Variants in PON3 observed in about 807,000 individuals in gnomAD.
PON3 encodes the protein serum paraoxonase/lactonase 3.
PON3 carries 37 observed loss-of-function variants against 36.3 expected under a neutral mutation model. The observed-to-expected ratio is 1.02, with a 90% CI of 0.78 to 1.34. The LOEUF is 1.34. PON3 is among the 40% of genes most tolerant of loss of function. PON3 has a pLI of 0.00. For synonymous variants in PON3, 155 were observed against 154.8 expected (o/e 1.00, Z -0.01); for missense variants, 415 against 426.5 (o/e 0.97, Z 0.24).
At chr7:95,393,393 AG>A (rs1477097313) in intron 2 of PON3, among the ~76,000 whole-genome samples, 4 of 152,362 alleles carry the variant, frequency 2.6e-5, no homozygotes, top group Admixed American at 2.6e-4. Context: ...AGCTGATTTT[AG>A]TAAGCAGAGA....
intron 4 of PON3, 130 bp from the exon 5 acceptor site, chr7:95,367,618 T>C: frequency 1.1e-6 from 1 of 947,978 alleles, no homozygotes; most frequent in Non-Finnish European, 1.6e-6. Flanking sequence ...ACAGTCTACA[T>C]GATAGGTAAG....
Position 95,367,385 on chromosome 7 carries a change from A to G in PON3, c.471T>C (p.Thr157=). The stretch of plus-strand genomic sequence containing the variant: ...ACCTTTTGAGAAGTTCATGTTTTAT[A>G]GTTTTCAGGTATACCAGAGAACGTT... ...EQQRSLVYLK[T]IKHELLKSVN... Residue 157 remains threonine, a synonymous_variant, in exon 5 of 9, where the codon ACT becomes ACC. Transcript: ENST00000265627. 6.2e-7 allele frequency: 1 copy of G among 1,613,074 alleles called. No homozygotes were observed. Among genetic ancestry groups the G allele is most frequent in the Non-Finnish European group, 8.5e-7 (1 of 1,179,650 alleles).
chr7:95,364,734 C>T (rs1004710429), intron 5 of PON3: 3 of 155,910 alleles, frequency 1.9e-5, no homozygotes, highest in Non-Finnish European at 4.3e-5. Flanking sequence ...GTTTTGCTGT[C>T]CTGTTATCAT....
intron 2 of PON3, among the ~76,000 whole-genome samples, chr7:95,392,707 T>C (rs2116426052): frequency 6.6e-6 from 1 of 152,350 alleles, no homozygotes; most frequent in Non-Finnish European, 1.5e-5. Context: ...GGAAAGGCCA[T>C]CTGGCATTCA....
chr7:95,377,099 C>T lies in PON3; in HGVS notation c.202-4761G>A, dbSNP rs543347069. ...ACCAGCAGACCAGGAAATTCCCTCC[C>T]GTGTCTGGCTCGGCGGGTTCTACGC... On this transcript the variant is annotated intron_variant, in intron 3 of 8. Coordinates refer to ENST00000265627, the MANE Select transcript of PON3 (RefSeq NM_000940.3). Among the ~76,000 whole-genome samples, 776 of 152,360 alleles carry T rather than the reference C, an allele frequency of 5.1e-3. 6 individuals carry two copies. Among genetic ancestry groups the T allele is most frequent in the Middle Eastern group, 0.014 (4 of 294 alleles).
At chr7:95,392,442 T>TC (rs1157069968) in intron 2 of PON3, among the ~76,000 whole-genome samples, 1 of 152,236 alleles carries the variant, frequency 6.6e-6, no homozygotes, top group Non-Finnish European at 1.5e-5. Flanking sequence ...CTAGTCTAAT[T>TC]ATACCTCTTG....
chr7:95,380,536 T>C (rs1022538280), intron 3 of PON3, among the ~76,000 whole-genome samples: 3 of 152,076 alleles, frequency 2.0e-5, no homozygotes, highest in African/African-American at 7.2e-5. Context: ...AACCATGGCA[T>C]GAGAACTACG....
intron 2 of PON3, among the ~76,000 whole-genome samples, chr7:95,393,988 C>A (rs986300658): frequency 3.3e-5 from 5 of 152,080 alleles, no homozygotes; most frequent in African/African-American, 1.2e-4. Context: ...CCGATGACTC[C>A]CTGGTTCAAG....
intron 3 of PON3, among the ~76,000 whole-genome samples, chr7:95,385,170 G>T (rs189565479): frequency 6.6e-6 from 1 of 151,940 alleles, no homozygotes; most frequent in Non-Finnish European, 1.5e-5. Flanking sequence ...ACTTGGACAC[G>T]GGAAGGGGAA....
At chr7:95,368,814 C>CAAAAAAAAA (rs11388951) in intron 4 of PON3, among the ~76,000 whole-genome samples, 2 of 133,110 alleles carry the variant, frequency 1.5e-5, no homozygotes, top group African/African-American at 2.8e-5. Flanking sequence ...CAAAAACAAA[C>CAAAAAAAAA]AAAAAAAAAA....
At chr7:95,393,470 C>G (rs1809363663) in intron 2 of PON3, among the ~76,000 whole-genome samples, 2 of 152,114 alleles carry the variant, frequency 1.3e-5, no homozygotes, top group Admixed American at 6.6e-5. Context: ...GAACATATTC[C>G]CAGAACAGGG....
At chr7:95,385,927 G>C (rs1465595466) in intron 3 of PON3, among the ~76,000 whole-genome samples, 1 of 152,000 alleles carries the variant, frequency 6.6e-6, no homozygotes, top group East Asian at 1.9e-4. Context: ...TGTGTAGAGG[G>C]GAATTTATAG....
At chr7:95,374,760 T>G (rs1808878497) in intron 3 of PON3, among the ~76,000 whole-genome samples, 1 of 152,188 alleles carries the variant, frequency 6.6e-6, no homozygotes, top group Non-Finnish European at 1.5e-5. Context: ...CTGTGGCATT[T>G]GACACTACAG....
chr7:95,377,438 G>A (rs979146794), intron 3 of PON3: 9 of 200,656 alleles, frequency 4.5e-5, no homozygotes, highest in African/African-American at 9.6e-5. Flanking sequence ...CATGGCATTC[G>A]AGCTCTGAGA....
At chr7:95,388,408 A>T (rs1428114491) in intron 3 of PON3, among the ~76,000 whole-genome samples, 1 of 152,232 alleles carries the variant, frequency 6.6e-6, no homozygotes, top group East Asian at 1.9e-4. Context: ...CATGCCAGTT[A>T]GAATGGCAAT....
intron 3 of PON3, among the ~76,000 whole-genome samples, chr7:95,387,598 C>A (rs1212102974): frequency 6.6e-6 from 1 of 152,100 alleles, no homozygotes; most frequent in Non-Finnish European, 1.5e-5. Flanking sequence ...ATCAAGCTAC[C>A]AATGATTTTC....
intron 3 of PON3, among the ~76,000 whole-genome samples, chr7:95,383,404 A>T (rs1809109858): frequency 6.6e-6 from 1 of 152,232 alleles, no homozygotes; most frequent in South Asian, 2.1e-4. Context: ...GAAAAGAGGA[A>T]GTCAAATTGT....
At chr7:95,365,726 G>C (rs1403148808) in intron 5 of PON3, 1 of 152,108 alleles carries the variant, frequency 6.6e-6, no homozygotes, top group East Asian at 1.9e-4. Flanking sequence ...TTATTGGTAG[G>C]GCCATGTTAT....
At chr7:95,371,905 GA>G (rs1033166662) in intron 4 of PON3, among the ~76,000 whole-genome samples, 8 of 151,940 alleles carry the variant, frequency 5.3e-5, no homozygotes, top group African/African-American at 1.9e-4. Context: ...AGATTTCTGA[GA>G]ACAGTATTCA....
Sources: gnomAD v4.1 joint callset for allele counts (sites outside exome capture counted in the v4.1 genomes callset) on GRCh38, gnomAD v4.1.1 for gene constraint, MANE v1.5 for transcripts, NCBI Gene and HGNC (gene_info 2026-07-23, HGNC 2026-07-21) for gene names.